PTPRK: variants seen among roughly 807,000 people sequenced by gnomAD.
The protein encoded by PTPRK is protein tyrosine phosphatase receptor type K.
Under a neutral mutation model 178.0 loss-of-function variants are expected in PTPRK, and 75 were observed. The observed-to-expected ratio is 0.42, with a 90% CI of 0.35 to 0.51. The LOEUF (loss-of-function observed/expected upper bound fraction) is 0.51, where lower values mean the gene tolerates loss of function less well. PTPRK is among the 20% of genes least tolerant of loss of function. The pLI is 0.02. For synonymous variants in PTPRK, 637 were observed against 620.6 expected (o/e 1.03, Z -0.39); for missense variants, 1,441 against 1,797.8 (o/e 0.80, Z 3.59).
At chr6:128,144,031 A>G (rs1796137743) in intron 7 of PTPRK, among the ~76,000 whole-genome samples, 1 of 152,034 alleles carries the variant, frequency 6.6e-6, no homozygotes, top group South Asian at 2.1e-4. Flanking sequence ...ATTACTTTTC[A>G]TCCCATTCTC....
intron 3 of PTPRK, chr6:128,321,337 A>C (rs72969098): frequency 0.08 from 12,906 of 160,370 alleles, 593 homozygotes; most frequent in African/African-American, 0.12. Context: ...CAAACTCTCC[A>C]AACTAGTAAA....
At chr6:127,970,313 AC>A in intron 29 of PTPRK, 33 bp from the exon 30 acceptor site, 1 of 1,578,092 alleles carries the variant, frequency 6.3e-7, no homozygotes, top group Non-Finnish European at 8.7e-7. Context: ...GAGTGAGAAA[AC>A]TTAAGAAAGA....
intron 1 of PTPRK, among the ~76,000 whole-genome samples, chr6:128,463,915 G>C (rs1849419233): frequency 6.6e-6 from 1 of 151,150 alleles, no homozygotes; most frequent in Non-Finnish European, 1.5e-5. Flanking sequence ...CCACACCCGG[G>C]TAATTTTTGT....
chr6:127,985,671 C>A, intron 22 of PTPRK, 50 bp downstream of exon 22: 1 of 1,512,272 alleles, frequency 6.6e-7, no homozygotes, highest in Non-Finnish European at 9.0e-7. Flanking sequence ...TCTTGATACT[C>A]TAAAAAAAGC....
chr6:128,175,255 T>C (rs1464314073), intron 7 of PTPRK, among the ~76,000 whole-genome samples: 1 of 151,872 alleles, frequency 6.6e-6, no homozygotes, highest in Non-Finnish European at 1.5e-5. Flanking sequence ...GAGTTGGACT[T>C]GATTAATTAT....
chr6:128,340,421 T>A (rs1831511771), intron 2 of PTPRK, among the ~76,000 whole-genome samples: 1 of 152,190 alleles, frequency 6.6e-6, no homozygotes, highest in African/African-American at 2.4e-5. Context: ...AGCAACTGGG[T>A]AAGCTTTAAC....
rs1324497811 is a variant in PTPRK at position 128,067,554 on chromosome 6, T to C, written c.2122A>G (p.Asn708Asp). The change falls in exon 12 of 30, where the codon AAC (asparagine) becomes GAC (aspartate). Residue 708 changes from asparagine (N) to aspartate (D), a missense_variant. This residue lies in a region of PTPRK where 945 missense variants were observed against 1,080.6 expected (regional missense o/e 0.87). Coordinates refer to ENST00000368226, the MANE Select transcript of PTPRK (RefSeq NM_002844.4). ...NPPLAPRKGYNIYFQAMSSVE... is the reference protein window; with the variant it reads ...NPPLAPRKGYDIYFQAMSSVE... ...CTGCTCATCGCCTGGAAATAGATGT[T>C]GTATCCTTTGCGCGGAGCCAAAGGA... is the stretch of plus-strand genomic sequence containing the variant. 6.2e-7 allele frequency: 1 copy of C among 1,602,572 alleles called. No homozygotes were observed. The highest frequency in any genetic ancestry group is 1.7e-5 in the Admixed American group (1 of 59,548).
In PTPRK at chr6:127,983,230, A is replaced by T. The variant is rs1365003150; in HGVS notation, c.3387+12T>A. The T allele has an allele frequency of 1.1e-5, 18 of 1,581,936 alleles. No homozygotes were observed. Among genetic ancestry groups the T allele is most frequent in the Non-Finnish European group, 1.5e-5 (18 of 1,167,988 alleles). On this transcript the variant is annotated intron_variant, in intron 23 of 29. Coordinates refer to ENST00000368226, the MANE Select transcript of PTPRK (RefSeq NM_002844.4). ...AAATAAAAAAAAGTCCACTACAGGT[A>T]AATCTACATACCTCTGTCTGGACCA...
chr6:128,516,929 G>C (rs1858124735), intron 1 of PTPRK, among the ~76,000 whole-genome samples: 1 of 151,502 alleles, frequency 6.6e-6, no homozygotes, highest in Non-Finnish European at 1.5e-5. Flanking sequence ...ACTCAAGTAA[G>C]GATTTATACG....
At chr6:128,214,185 G>C (rs1443354581) in intron 6 of PTPRK, among the ~76,000 whole-genome samples, 1 of 152,126 alleles carries the variant, frequency 6.6e-6, no homozygotes, top group Admixed American at 6.6e-5. Context: ...AATCTGAAAA[G>C]TTCTAATAGG....
Position 128,417,442 on chromosome 6 carries a change from T to C in PTPRK, c.101-19754A>G, listed in dbSNP as rs370728697. On this transcript the variant is annotated intron_variant, in intron 1 of 29. Transcript: ENST00000368226. ...GAGAAGTTTATACACCATTTGTACA[T>C]AGAAAAACTATAATGGTTAATAATG... Among the ~76,000 whole-genome samples, 23 of 152,302 alleles carry C rather than the reference T, an allele frequency of 1.5e-4. No individual in the cohort carries two copies. In the East Asian group the frequency reaches 4.0e-3, roughly 27 times the overall value.
At chr6:128,465,343 A>C (rs574165443) in intron 1 of PTPRK, among the ~76,000 whole-genome samples, 93 of 152,332 alleles carry the variant, frequency 6.1e-4, no homozygotes, top group African/African-American at 2.1e-3. Flanking sequence ...CCATATTTTA[A>C]ATTCAAATTC....
intron 13 of PTPRK, among the ~76,000 whole-genome samples, chr6:128,026,190 T>C (rs149772766): frequency 6.0e-4 from 92 of 152,300 alleles, no homozygotes; most frequent in Non-Finnish European, 1.1e-3. Flanking sequence ...CAGATGTTGG[T>C]AGACAACATC....
intron 7 of PTPRK, among the ~76,000 whole-genome samples, chr6:128,177,892 T>TA (rs1334548059): frequency 6.6e-6 from 1 of 151,742 alleles, no homozygotes; most frequent in Non-Finnish European, 1.5e-5. Context: ...CCCAGAGGTT[T>TA]AAAAAAACAC....
At chr6:128,397,973 G>C (rs1840542662) in intron 1 of PTPRK, among the ~76,000 whole-genome samples, 1 of 152,168 alleles carries the variant, frequency 6.6e-6, no homozygotes, top group African/African-American at 2.4e-5. Flanking sequence ...AGGCTTTCTT[G>C]AAATATACAA....
intron 13 of PTPRK, among the ~76,000 whole-genome samples, chr6:128,036,719 T>C (rs1030694676): frequency 3.3e-5 from 5 of 150,934 alleles, no homozygotes; most frequent in Admixed American, 6.6e-5. Flanking sequence ...AACGAACTGA[T>C]TTCTTTCCGT....
chr6:128,188,553 C>A (rs1346935133), intron 6 of PTPRK, among the ~76,000 whole-genome samples: 1 of 152,106 alleles, frequency 6.6e-6, no homozygotes, highest in African/African-American at 2.4e-5. Context: ...CATAAAGTAT[C>A]GTAAGATTAG....
chr6:128,177,933 G>A (rs746160892), intron 7 of PTPRK, among the ~76,000 whole-genome samples: 5 of 151,688 alleles, frequency 3.3e-5, no homozygotes, highest in Admixed American at 6.6e-5. Flanking sequence ...ATTAGAATAT[G>A]AACTATATCT....
intron 3 of PTPRK, among the ~76,000 whole-genome samples, chr6:128,302,497 T>C (rs1028188399): frequency 1.3e-5 from 2 of 151,590 alleles, no homozygotes; most frequent in Non-Finnish European, 2.9e-5. Flanking sequence ...AAAACATGCA[T>C]TTGGAAGAAG....
Sources: gnomAD v4.1 joint callset for allele counts (sites outside exome capture counted in the v4.1 genomes callset) on GRCh38, gnomAD v4.1.1 for gene constraint, gnomAD v4.1.1 regional missense constraint, MANE v1.5 for transcripts, NCBI Gene and HGNC (gene_info 2026-07-23, HGNC 2026-07-21) for gene names.